Variants in ABCC1 observed in about 807,000 individuals in gnomAD.
ABCC1 encodes the protein ATP binding cassette subfamily C member 1 (ABCC1 blood group).
Under a neutral mutation model 172.9 loss-of-function variants are expected in ABCC1, and 83 were observed. That is an observed-to-expected ratio of 0.48 (90% CI 0.40 to 0.58). The LOEUF is 0.58. Ranked by LOEUF, ABCC1 falls within the 20% of genes least tolerant of loss-of-function variation. ABCC1 has a pLI of 0.00. For synonymous variants in ABCC1, 937 were observed against 825.2 expected, an observed-to-expected ratio of 1.14 and a Z score of -2.32; for missense variants, 1,817 against 2,002.7, an observed-to-expected ratio of 0.91 and a Z score of 1.77.
intron 9 of ABCC1, among the ~76,000 whole-genome samples, chr16:16,046,384 C>A (rs1377353324): frequency 6.6e-6 from 1 of 151,916 alleles, no homozygotes; most frequent in Non-Finnish European, 1.5e-5. Context: ...TCACTCTCTC[C>A]CCCAGACTGG....
intron 17 of ABCC1, among the ~76,000 whole-genome samples, chr16:16,084,328 C>G (rs1220040207): frequency 6.6e-6 from 1 of 151,916 alleles, no homozygotes; most frequent in Non-Finnish European, 1.5e-5. Flanking sequence ...GTGTCTAACT[C>G]CTGACCTCAA....
At chr16:16,136,404 G>T in intron 28 of ABCC1, 74 bp from the exon 29 acceptor site, 1 of 1,539,914 alleles carries the variant, frequency 6.5e-7, no homozygotes, top group East Asian at 2.3e-5. Flanking sequence ...CTGGCCAGAA[G>T]TCCTTAGGTC....
chr16:16,099,043 C>G (rs1256622938), intron 19 of ABCC1: 1 of 708,900 alleles, frequency 1.4e-6, no homozygotes, highest in African/African-American at 1.8e-5. Context: ...TCATTTAGCA[C>G]ACATTTACTG....
chr16:16,068,674 C>T (rs2050207366), intron 13 of ABCC1, among the ~76,000 whole-genome samples: 1 of 152,072 alleles, frequency 6.6e-6, no homozygotes, highest in African/African-American at 2.4e-5. Flanking sequence ...TAGGTCTTGA[C>T]CACCCACGCT....
chr16:15,952,683 G>A (rs1415754789), intron 1 of ABCC1, among the ~76,000 whole-genome samples: 1 of 140,430 alleles, frequency 7.1e-6, no homozygotes, highest in Non-Finnish European at 1.5e-5. Context: ...ATGATGGTTG[G>A]AAAAATGGGC....
At chr16:16,073,295 T>C (rs2050425135) in intron 14 of ABCC1, among the ~76,000 whole-genome samples, 1 of 152,154 alleles carries the variant, frequency 6.6e-6, no homozygotes, top group African/African-American at 2.4e-5. Flanking sequence ...CCACAGCCCA[T>C]CGGTAGAGTC....
At chr16:15,953,239 G>A (rs1475925226) in intron 1 of ABCC1, among the ~76,000 whole-genome samples, 1 of 151,934 alleles carries the variant, frequency 6.6e-6, no homozygotes, top group Non-Finnish European at 1.5e-5. Flanking sequence ...GGGAGGCTGA[G>A]GCAGGAGAAT....
At position 16,114,800 on chromosome 16, in the gene ABCC1, C is replaced by T; in HGVS notation, c.3114C>T (p.Ser1038=). The T allele has an allele frequency of 6.2e-7, 1 of 1,607,538 alleles. No homozygotes were observed. Among genetic ancestry groups the T allele is most frequent in the Admixed American group, 1.7e-5 (1 of 59,894 alleles). ...IAVFGYSMAV[S]IGGILASRCL... Reference sequence around the variant, plus strand: ...TGTTTGGCTACTCCATGGCCGTGTCCATCGGGGGGATCTTGGCTTCCCGCT... The same window carrying T: ...TGTTTGGCTACTCCATGGCCGTGTCTATCGGGGGGATCTTGGCTTCCCGCT... Residue 1038 remains serine, a synonymous_variant, in exon 23 of 31, where the codon TCC becomes TCT. Coordinates refer to ENST00000399410, the MANE Select transcript of ABCC1 (RefSeq NM_004996.4).
In ABCC1 at chr16:16,090,399, C is replaced by T. The variant is rs1441569529; in HGVS notation, c.2461-6C>T. On this transcript the variant is annotated splice_polypyrimidine_tract_variant and splice_region_variant and intron_variant, in intron 18 of 30. Transcript: ENST00000399410. ...TCACGTGGCCGGGTGTCCCCTTTGC[C>T]CACAGACGCGGATCTTGGTCACGCA... The T allele has an allele frequency of 6.3e-7, 1 of 1,580,200 alleles. No homozygotes were observed. Among genetic ancestry groups the T allele is most frequent in the Non-Finnish European group, 8.6e-7 (1 of 1,158,860 alleles).
intron 16 of ABCC1, among the ~76,000 whole-genome samples, chr16:16,082,569 G>C (rs1006781211): frequency 6.9e-6 from 1 of 144,238 alleles, no homozygotes; most frequent in East Asian, 2.0e-4. Flanking sequence ...ATGGATGCTT[G>C]ATATAGGAGT....
rs45585138 is a variant in ABCC1 at position 16,044,906 on chromosome 16, T to C, written c.1040+226T>C. ...TTCAAGCGATCCTCCTGCCTCGGCC[T>C]CCCAAAGTGCTGGGATTGCAGATGT... is the stretch of plus-strand genomic sequence containing the variant. On this transcript the variant is annotated intron_variant, in intron 8 of 30. Transcript: ENST00000399410. 3.4e-3 allele frequency among the ~76,000 whole-genome samples: 513 copies of C among 152,262 alleles called. 6 individuals carry two copies. Among genetic ancestry groups the C allele is most frequent in the African/African-American group, 0.012 (493 of 41,560 alleles).
Position 15,982,820 on chromosome 16 carries a change from AAAAAG to A in ABCC1, c.49-24995_49-24991del, listed in dbSNP as rs1242451593. Among the ~76,000 whole-genome samples the A allele has an allele frequency of 2.8e-3, 422 of 150,152 alleles. 12 individuals are homozygous for A. Among genetic ancestry groups the A allele is most frequent in the African/African-American group, 0.01 (415 of 40,918 alleles). ...GACGCTGTCAAAAAAAAAAAAAAAA[AAAAAG>A]GAAATCCATTCTTAGCCTGTGTGCT... On this transcript the variant is annotated intron_variant, in intron 1 of 30. Coordinates refer to ENST00000399410, the MANE Select transcript of ABCC1 (RefSeq NM_004996.4).
intron 20 of ABCC1, chr16:16,105,524 G>C (rs985601539): frequency 6.6e-6 from 1 of 152,210 alleles, no homozygotes; most frequent in Non-Finnish European, 1.5e-5. Flanking sequence ...AGGTTTATTC[G>C]GCCTTCAGGA....
chr16:16,033,122 A>G lies in ABCC1; in HGVS notation c.629A>G (p.Glu210Gly). Residue 210 changes from glutamate (E) to glycine (G), a missense_variant, in exon 6 of 31, where the codon GAG becomes GGG. By Grantham distance (98) the Glu-to-Gly change is moderately conservative (BLOSUM62 -2). Transcript: ENST00000399410. ...ETIHDPNPCP[E>G]SSASFLSRIT... ...TCTTTCCACTAGAATCCCTGCCCAG[A>G]GTCCAGCGCTTCCTTCCTGTCGAGG... 1.2e-6 allele frequency: 2 copies of G among 1,614,210 alleles called. No individual in the cohort carries two copies. The highest frequency in any genetic ancestry group is 8.5e-7 in the Non-Finnish European group (1 of 1,180,032).
intron 14 of ABCC1, among the ~76,000 whole-genome samples, chr16:16,075,578 C>T (rs1450579559): frequency 6.6e-6 from 1 of 152,122 alleles, no homozygotes; most frequent in Non-Finnish European, 1.5e-5. Context: ...TTGCAGTAGG[C>T]CGAGATCGCA....
chr16:16,036,978 C>T (rs537403395), intron 7 of ABCC1, among the ~76,000 whole-genome samples: 1 of 152,144 alleles, frequency 6.6e-6, no homozygotes, highest in Non-Finnish European at 1.5e-5. Context: ...GTGGCAGGCG[C>T]CTGTAATCAT....
intron 14 of ABCC1, among the ~76,000 whole-genome samples, chr16:16,075,168 C>A (rs1280857041): frequency 6.6e-6 from 1 of 152,002 alleles, no homozygotes; most frequent in African/African-American, 2.4e-5. Context: ...TGGTCTCGAA[C>A]TCCTGACATC....
At chr16:16,096,282 TCA>T (rs2051477550) in intron 19 of ABCC1, among the ~76,000 whole-genome samples, 1 of 152,036 alleles carries the variant, frequency 6.6e-6, no homozygotes, top group Non-Finnish European at 1.5e-5. Context: ...CTTTCTGCCC[TCA>T]CTGCCCAGAA....
At chr16:16,041,969 C>A (rs779520210) in intron 7 of ABCC1, among the ~76,000 whole-genome samples, 1 of 152,032 alleles carries the variant, frequency 6.6e-6, no homozygotes, top group Admixed American at 6.6e-5. Flanking sequence ...TGGTGGCGCT[C>A]ACCTGTAATC....
Sources: gnomAD v4.1 joint callset for allele counts (sites outside exome capture counted in the v4.1 genomes callset) on GRCh38, gnomAD v4.1.1 for gene constraint, MANE v1.5 for transcripts, NCBI Gene and HGNC (gene_info 2026-07-23, HGNC 2026-07-21) for gene names.